DENND5B: variants seen among roughly 807,000 people sequenced by gnomAD.
DENND5B encodes the protein DENN domain containing 5B.
DENND5B carries 34 observed loss-of-function variants against 140.6 expected under a neutral mutation model. The observed-to-expected ratio is 0.24, with a 90% CI of 0.18 to 0.32. The LOEUF (loss-of-function observed/expected upper bound fraction) is 0.32. Among genes scored for constraint, DENND5B ranks in the 10% least tolerant of loss-of-function variants. The pLI is 1.00. For synonymous variants in DENND5B, 551 were observed against 562.1 expected, an observed-to-expected ratio of 0.98 and a Z score of 0.28; for missense variants, 1,142 against 1,560.2, an observed-to-expected ratio of 0.73 and a Z score of 4.52.
At chr12:31,536,560 C>T (rs1000786417) in intron 1 of DENND5B, among the ~76,000 whole-genome samples, 3 of 151,648 alleles carry the variant, frequency 2.0e-5, no homozygotes, top group East Asian at 3.9e-4. Context: ...GAATGAAGTA[C>T]ACCTACAAGA....
At chr12:31,540,759 G>GA (rs997107360) in intron 1 of DENND5B, among the ~76,000 whole-genome samples, 1 of 151,178 alleles carries the variant, frequency 6.6e-6, no homozygotes, top group African/African-American at 2.4e-5. Context: ...CTATCCTGAG[G>GA]AAAAAAACAA....
At chr12:31,394,984 A>C (rs1941357107) in intron 17 of DENND5B, among the ~76,000 whole-genome samples, 1 of 152,032 alleles carries the variant, frequency 6.6e-6, no homozygotes, top group Admixed American at 6.6e-5. Context: ...TTCTATTATT[A>C]TATTGCTTTT....
chr12:31,585,690 G>A (rs550930482), intron 1 of DENND5B, among the ~76,000 whole-genome samples: 3 of 152,290 alleles, frequency 2.0e-5, no homozygotes, highest in African/African-American at 7.2e-5. Flanking sequence ...AAGAACTAAC[G>A]TGACATGATA....
chr12:31,414,023 A>G (rs904897009), intron 12 of DENND5B, among the ~76,000 whole-genome samples: 35 of 152,242 alleles, frequency 2.3e-4, no homozygotes, highest in African/African-American at 8.2e-4. Flanking sequence ...ACATATGGAA[A>G]ATATGAAATC....
At chr12:31,463,542 A>AT (rs1555154735) in intron 3 of DENND5B, among the ~76,000 whole-genome samples, 1 of 152,242 alleles carries the variant, frequency 6.6e-6, no homozygotes, top group Admixed American at 6.5e-5. Context: ...TTTGCTAGAT[A>AT]TCTATAACTT....
At chr12:31,549,934 A>C (rs1464083126) in intron 1 of DENND5B, among the ~76,000 whole-genome samples, 1 of 152,172 alleles carries the variant, frequency 6.6e-6, no homozygotes, top group Non-Finnish European at 1.5e-5. Flanking sequence ...GCATGCATGC[A>C]TCTTTGTAAC....
At chr12:31,479,435 T>C (rs1945969731) in intron 3 of DENND5B, among the ~76,000 whole-genome samples, 154 bp downstream of exon 3, 1 of 152,210 alleles carries the variant, frequency 6.6e-6, no homozygotes, top group African/African-American at 2.4e-5. Context: ...AGCAGTCTCA[T>C]CTCAGCCGCT....
chr12:31,573,569 T>C (rs991647979), intron 1 of DENND5B, among the ~76,000 whole-genome samples: 1 of 152,276 alleles, frequency 6.6e-6, no homozygotes, highest in African/African-American at 2.4e-5. Context: ...GCTTAGAGAT[T>C]TCATTCCAGG....
intron 1 of DENND5B, among the ~76,000 whole-genome samples, chr12:31,502,030 A>G (rs1947026357): frequency 6.6e-6 from 1 of 152,000 alleles, no homozygotes; most frequent in South Asian, 2.1e-4. Context: ...CATTATATTC[A>G]ATCTTGCCGG....
Position 31,554,976 on chromosome 12 carries a change from C to T in DENND5B, c.127+35730G>A, listed in dbSNP as rs1274706723. 2.6e-5 allele frequency among the ~76,000 whole-genome samples: 4 copies of T among 151,730 alleles called. No homozygotes were observed. The East Asian group carries it at 7.7e-4, about 29-fold the overall frequency. ...CCATTCATCTAATTTTTTTTCAAAGCTTTTAACTTCTTTGCCATTGGTTTG... is the reference window on the plus strand; with the variant it reads ...CCATTCATCTAATTTTTTTTCAAAGTTTTTAACTTCTTTGCCATTGGTTTG... On this transcript the variant is annotated intron_variant, in intron 1 of 20. Coordinates refer to ENST00000389082, the MANE Select transcript of DENND5B (RefSeq NM_144973.4).
chr12:31,428,216 C>T (rs1253660936), intron 8 of DENND5B, among the ~76,000 whole-genome samples: 1 of 150,580 alleles, frequency 6.6e-6, no homozygotes, highest in Non-Finnish European at 1.5e-5. Flanking sequence ...GTGGCGGGTG[C>T]CTGTAATCCC....
intron 3 of DENND5B, among the ~76,000 whole-genome samples, chr12:31,463,395 G>A (rs953495429): frequency 7.9e-5 from 12 of 152,150 alleles, no homozygotes; most frequent in African/African-American, 2.9e-4. Context: ...TCTGCTCTGT[G>A]GCCATCATTT....
At chr12:31,437,104 A>C (rs1943803408) in intron 7 of DENND5B, among the ~76,000 whole-genome samples, 1 of 151,402 alleles carries the variant, frequency 6.6e-6, no homozygotes, top group South Asian at 2.1e-4. Context: ...CTTGTCTGTC[A>C]GCCATCTTAC....
intron 1 of DENND5B, among the ~76,000 whole-genome samples, chr12:31,503,272 A>G (rs994811536): frequency 6.6e-6 from 1 of 152,208 alleles, no homozygotes; most frequent in Non-Finnish European, 1.5e-5. Context: ...TACAATTGAC[A>G]ATGAAGGCTG....
intron 19 of DENND5B, among the ~76,000 whole-genome samples, chr12:31,390,909 C>A (rs1941105455): frequency 6.6e-6 from 1 of 151,880 alleles, no homozygotes; most frequent in Non-Finnish European, 1.5e-5. Context: ...CCCAGCTAAT[C>A]AGTGGCTGGG....
chr12:31,583,307 AAAG>A (rs1950270401), intron 1 of DENND5B, among the ~76,000 whole-genome samples: 1 of 121,174 alleles, frequency 8.3e-6, no homozygotes, highest in African/African-American at 3.1e-5. Flanking sequence ...AAAAAAAAAA[AAAG>A]AGAGAGAGAG....
intron 8 of DENND5B, among the ~76,000 whole-genome samples, chr12:31,428,824 T>C (rs910997924): frequency 5.3e-5 from 8 of 151,960 alleles, no homozygotes; most frequent in Non-Finnish European, 1.2e-4. Context: ...CTCCGCCTCC[T>C]GGTTTCACAC....
chr12:31,399,206 A>G (rs1941661031), intron 16 of DENND5B, among the ~76,000 whole-genome samples: 1 of 151,244 alleles, frequency 6.6e-6, no homozygotes, highest in South Asian at 2.1e-4. Flanking sequence ...AAACAAAAAA[A>G]AAATTGCCCC....
intron 1 of DENND5B, among the ~76,000 whole-genome samples, chr12:31,509,687 T>C (rs1244611109): frequency 2.0e-5 from 3 of 152,148 alleles, no homozygotes; most frequent in African/African-American, 7.2e-5. Context: ...GTTTACATTC[T>C]AAGAGGAGGG....
Sources: allele counts gnomAD v4.1 joint callset (sites outside exome capture counted in the v4.1 genomes callset), GRCh38; gene constraint gnomAD v4.1.1; transcripts MANE v1.5; gene names NCBI Gene and HGNC (gene_info 2026-07-23, HGNC 2026-07-21).